The following CD63 variants were observed in gnomAD, a reference collection of about 807,000 sequenced individuals.
CD63 encodes CD63 molecule.
CD63 carries 16 observed loss-of-function variants against 29.2 expected under a neutral mutation model. The ratio of observed to expected loss-of-function variants is 0.55; its 90% CI spans 0.37 to 0.83. CD63 has a LOEUF of 0.83. CD63 is among the 40% of genes least tolerant of loss of function. The pLI, the probability that CD63 is intolerant of heterozygous loss-of-function variation, is 0.00. For missense variants in CD63, 251 were observed against 297.3 expected (o/e 0.84, Z 1.15); for synonymous variants, 118 against 111.7 (o/e 1.06, Z -0.36).
rs1565660502 is a variant in CD63 at position 55,728,968 on chromosome 12, C to A, written c.-27G>T. ...GCGGCCTCACCTGGGCTTCCCAAGG[C>A]TGGCTGCGCGTTCCTCTCCCGCCGC... On this transcript the variant is annotated 5_prime_UTR_variant, in exon 1 of 8. Coordinates refer to ENST00000257857, the MANE Select transcript of CD63 (RefSeq NM_001780.6). This position sits in a 1 kb window ranked among gnomAD's most constrained non-coding sequence, Gnocchi z 4.8. 1.0e-6 allele frequency: 1 copy of A among 985,468 alleles called. No homozygotes were observed. The highest frequency in any genetic ancestry group is 1.1e-4 in the East Asian group (1 of 8,780). The allele number at this position is 985,468 out of a possible 1,614,324, so 61.0% of individuals were successfully genotyped here.
chr12:55,727,695 A>G (rs1592532603), intron 2 of CD63: 1 of 1,063,382 alleles, frequency 9.4e-7, no homozygotes, highest in Non-Finnish European at 1.1e-6. Flanking sequence ...TCCAGTGCAC[A>G]TCCCACGCGC....
downstream of CD63, chr12:55,724,061 G>A (rs1019127669): frequency 1.2e-6 from 2 of 1,605,744 alleles, no homozygotes; most frequent in African/African-American, 2.7e-5. Context: ...TGAGTAGCCA[G>A]GCCCACACAG....
chr12:55,723,811 T>C (rs956631160), downstream of CD63: 3 of 1,560,316 alleles, frequency 1.9e-6, no homozygotes, highest in Non-Finnish European at 8.8e-7. Context: ...CTTTCTCAGC[T>C]CCCCAACCCA....
downstream of CD63, chr12:55,724,303 A>G (rs772475300): frequency 6.2e-7 from 1 of 1,612,114 alleles, no homozygotes; most frequent in Non-Finnish European, 8.5e-7. Context: ...ACTGATTGCA[A>G]CCACCTATGG....
chr12:55,727,022 T>C lies in CD63; in HGVS notation c.256-58A>G, dbSNP rs377098109. 248 of 1,587,864 alleles carry C rather than the reference T, an allele frequency of 1.6e-4. 2 individuals are homozygous for C. The East Asian group carries it at 2.3e-3, about 15-fold the overall frequency. ...AGTCTATGCATTACAGGGGCCCGTT[T>C]TGGCACAGCCGGTCCCTGGACACTC... On this transcript the variant is annotated intron_variant, in intron 3 of 7. Coordinates refer to ENST00000257857, the MANE Select transcript of CD63 (RefSeq NM_001780.6).
At chr12:55,724,096 C>A, downstream of CD63, 1 of 1,587,812 alleles carries the variant, frequency 6.3e-7, no homozygotes, top group East Asian at 2.3e-5. Flanking sequence ...AAACAAGTAC[C>A]AGAAAGGCCA....
At chr12:55,727,953 G>A (rs2136153813) in intron 2 of CD63, 1 of 1,206,192 alleles carries the variant, frequency 8.3e-7, no homozygotes, top group Non-Finnish European at 1.0e-6. Context: ...GGAGAGCGAA[G>A]GGAAGCCCCA....
chr12:55,727,889 G>A, intron 2 of CD63: 1 of 1,095,192 alleles, frequency 9.1e-7, no homozygotes, highest in African/African-American at 1.7e-5. Flanking sequence ...GGAGGGAAAG[G>A]GGGAGAGGGG....
intron 6 of CD63, 56 bp downstream of exon 6, chr12:55,726,065 T>G: frequency 6.3e-7 from 1 of 1,597,178 alleles, no homozygotes; most frequent in Non-Finnish European, 8.6e-7. Flanking sequence ...CTGGGTCTCT[T>G]GCATTCTAAA....
chr12:55,728,627 C>A lies in CD63; in HGVS notation c.-11-275G>T. On this transcript the variant is annotated intron_variant, in intron 1 of 7. Transcript: ENST00000257857. The surrounding 1 kb of genome is among the most constrained non-coding windows in gnomAD (Gnocchi z 4.8). ...GCAGGGGCTTGAGCCTGACGCCGAC[C>A]CTCGGCCCGCCAGTCTCCGGGCGTC... 7.6e-7 allele frequency: 1 copy of A among 1,307,696 alleles called. No individual in the cohort carries two copies. The highest frequency in any genetic ancestry group is 9.8e-7 in the Non-Finnish European group (1 of 1,025,480). The allele number at this position is 1,307,696 out of a possible 1,614,324, so 81.0% of individuals were successfully genotyped here.
chr12:55,725,325 C>G lies in CD63; in HGVS notation c.*236G>C, dbSNP rs1179643785. The stretch of plus-strand genomic sequence containing the variant: ...TCACTTCTCCCACTGCCTGCCCAAC[C>G]AACACCTTCGCAAAGTCCTCCTTTC... On this transcript the variant is annotated 3_prime_UTR_variant, in exon 8 of 8. Coordinates refer to ENST00000257857, the MANE Select transcript of CD63 (RefSeq NM_001780.6). The G allele has an allele frequency of 1.8e-6, 1 of 565,986 alleles. No individual in the cohort carries two copies. The highest frequency in any genetic ancestry group is 3.0e-5 in the East Asian group (1 of 33,538). 35.1% of individuals were successfully genotyped at this position (565,986 alleles called of 1,614,324 possible).
downstream of CD63, chr12:55,724,345 A>G (rs1266070632): frequency 1.9e-6 from 3 of 1,614,086 alleles, no homozygotes; most frequent in Non-Finnish European, 2.5e-6. Context: ...ACAGCGCATC[A>G]TGAACCTGAT....
intron 2 of CD63, chr12:55,727,866 C>G (rs1877591368): frequency 1.0e-4 from 107 of 1,070,982 alleles, no homozygotes; most frequent in Non-Finnish European, 1.2e-4. Context: ...TTCCTCACCC[C>G]CAAGCGCTGG....
downstream of CD63, chr12:55,724,835 G>A (rs891986588): frequency 5.1e-5 from 26 of 512,444 alleles, no homozygotes; most frequent in Non-Finnish European, 8.1e-5. Context: ...ACAGCTGCAC[G>A]TCGGGGAGTG....
downstream of CD63, chr12:55,723,752 C>T: frequency 3.0e-6 from 3 of 1,000,800 alleles, no homozygotes; most frequent in Non-Finnish European, 1.5e-6. Context: ...ACCCTTGTCC[C>T]GGGGCAGTAG....
At chr12:55,729,090 G>A (rs1877738416), upstream of CD63, 5 of 985,382 alleles carry the variant, frequency 5.1e-6, no homozygotes, top group Non-Finnish European at 6.0e-6. Flanking sequence ...CCCGCCGAGT[G>A]GCCGCCGGCC....
chr12:55,727,216 G>A lies in CD63; in HGVS notation c.190C>T (p.Leu64Phe). 1 of 1,613,906 alleles carries A rather than the reference G, an allele frequency of 6.2e-7. No homozygotes were observed. The highest frequency in any genetic ancestry group is 8.5e-7 in the Non-Finnish European group (1 of 1,180,030). The change falls in exon 3 of 8, where the codon CTC (leucine) becomes TTC (phenylalanine). Residue 64 changes from leucine (L) to phenylalanine (F), a missense_variant. Coordinates refer to ENST00000257857, the MANE Select transcript of CD63 (RefSeq NM_001780.6). ...PVVIIAVGVF[L>F]FLVAFVGCCG... ...CAGCCCACAAAAGCCACCAGGAAGAGGAAGACACCCACTGCGATGATGACC... is the reference window on the plus strand; with the variant it reads ...CAGCCCACAAAAGCCACCAGGAAGAAGAAGACACCCACTGCGATGATGACC...
intron 2 of CD63, chr12:55,727,685 T>C: frequency 9.3e-7 from 1 of 1,077,850 alleles, no homozygotes; most frequent in Non-Finnish European, 1.1e-6. Context: ...CTCACTATCC[T>C]CCAGTGCACA....
At chr12:55,727,708 A>T in intron 2 of CD63, 1 of 1,049,152 alleles carries the variant, frequency 9.5e-7, no homozygotes, top group Non-Finnish European at 1.1e-6. Context: ...CCACGCGCGC[A>T]TCAGCTGTGA....
Sources: allele counts gnomAD v4.1 joint callset, GRCh38; gene constraint gnomAD v4.1.1; non-coding constraint Gnocchi (gnomAD v3.1); transcripts MANE v1.5; gene names NCBI Gene and HGNC (gene_info 2026-07-23, HGNC 2026-07-21).